The following ACACB variants were observed in gnomAD, a reference collection of about 807,000 sequenced individuals.
The protein encoded by ACACB is acetyl-CoA carboxylase 2.
In ACACB, 209 loss-of-function variants were observed where a neutral mutation model predicts 278.8. The observed-to-expected ratio is 0.75, with a 90% confidence interval of 0.67 to 0.84. ACACB has a LOEUF of 0.84. ACACB is among the 40% of genes least tolerant of loss of function. The pLI is 0.00. For synonymous variants in ACACB, 1,174 were observed against 1,285.6 expected (o/e 0.91, Z 1.86); for missense variants, 2,850 against 3,269.0 (o/e 0.87, Z 3.13).
In ACACB at chr12:109,139,959, G is replaced by T. The variant is rs147024369; in HGVS notation, c.554G>T (p.Arg185Leu). Residue 185 changes from arginine to leucine, a missense_variant, in exon 2 of 53, where the codon CGT (arginine) becomes CTT (leucine). By Grantham distance (102) the Arg-to-Leu change is moderately radical (BLOSUM62 -2). This residue lies in a region of ACACB where 2,265 missense variants were observed against 2,561.3 expected (regional missense o/e 0.88). Transcript: ENST00000338432. ...SDEDSVAGSS[R>L]ESTRKGSRAS... ...GAGGACTCTGTTGCTGGCTCATCTC[G>T]TGAGTCTACCCGGAAGGGCAGCCGG... The T allele has an allele frequency of 6.2e-7, 1 of 1,614,002 alleles. No individual in the cohort carries two copies. Among genetic ancestry groups the T allele is most frequent in the Admixed American group, 1.7e-5 (1 of 60,020 alleles).
chr12:109,119,767 C>T (rs766023720), intron 1 of ACACB, among the ~76,000 whole-genome samples: 4 of 151,650 alleles, frequency 2.6e-5, no homozygotes, highest in African/African-American at 4.8e-5. Context: ...TATGGTGGTG[C>T]GCCTGTAATC....
chr12:109,247,359 C>G (rs1001488509), intron 39 of ACACB, among the ~76,000 whole-genome samples: 1 of 151,804 alleles, frequency 6.6e-6, no homozygotes. Flanking sequence ...ATTAAAATTT[C>G]ATGTTGGGGT....
chr12:109,192,905 A>G (rs1565906202), intron 15 of ACACB, among the ~76,000 whole-genome samples: 3 of 152,112 alleles, frequency 2.0e-5, no homozygotes, highest in South Asian at 2.1e-4. Context: ...GCCTCAAGCA[A>G]TCCTCCTGCC....
chr12:109,118,571 G>A (rs1206092832), intron 1 of ACACB, among the ~76,000 whole-genome samples: 1 of 151,912 alleles, frequency 6.6e-6, no homozygotes, highest in African/African-American at 2.4e-5. Flanking sequence ...GCACTACCAC[G>A]CCCAGCTAAT....
At chr12:109,221,614 A>C (rs779622525) in intron 24 of ACACB, among the ~76,000 whole-genome samples, 3 of 152,136 alleles carry the variant, frequency 2.0e-5, no homozygotes, top group Non-Finnish European at 4.4e-5. Context: ...TGAGCGCCTT[A>C]AGTCAGGCAG....
chr12:109,222,438 T>C (rs2136513961), intron 24 of ACACB, 69 bp from the exon 25 acceptor site: 1 of 1,440,448 alleles, frequency 6.9e-7, no homozygotes, highest in Non-Finnish European at 9.7e-7. Context: ...GCTCCCCAAG[T>C]CGAGATGAGT....
intron 19 of ACACB, among the ~76,000 whole-genome samples, chr12:109,202,952 C>T (rs1268137943): frequency 6.6e-6 from 1 of 152,194 alleles, no homozygotes; most frequent in Non-Finnish European, 1.5e-5. Flanking sequence ...ACAGCCATCA[C>T]CATCATCCAT....
intron 44 of ACACB, among the ~76,000 whole-genome samples, chr12:109,255,793 A>G: frequency 6.6e-6 from 1 of 152,202 alleles, no homozygotes; most frequent in East Asian, 1.9e-4. Flanking sequence ...CCTTCCTAAA[A>G]TCCCACCTTC....
chr12:109,202,170 C>T (rs1198301747), intron 19 of ACACB, among the ~76,000 whole-genome samples: 1 of 152,024 alleles, frequency 6.6e-6, no homozygotes, highest in Non-Finnish European at 1.5e-5. Flanking sequence ...CATTGACCAC[C>T]TTTTCTTTTT....
chr12:109,209,294 G>A lies in ACACB; in HGVS notation c.3190G>A (p.Val1064Met). 1 of 1,612,736 alleles carries A rather than the reference G, an allele frequency of 6.2e-7. No homozygotes were observed. Among genetic ancestry groups the A allele is most frequent in the Non-Finnish European group, 8.5e-7 (1 of 1,179,984 alleles). ...CCCTGTGGAGAAGTCTGTCCGCAGG[G>A]TGATGGCCCAGTATGCCAGCAACAT... ...PAPVEKSVRR[V>M]MAQYASNITS... Residue 1064 changes from valine to methionine, a missense_variant, in exon 21 of 53, where the codon GTG becomes ATG. Val to Met is a conservative substitution (Grantham distance 21, BLOSUM62 1). Coordinates refer to ENST00000338432, the MANE Select transcript of ACACB (RefSeq NM_001093.4).
intron 24 of ACACB, among the ~76,000 whole-genome samples, chr12:109,218,358 C>T (rs1379656215): frequency 1.3e-5 from 2 of 148,776 alleles, no homozygotes; most frequent in Admixed American, 6.7e-5. Context: ...CACACCACCA[C>T]GCCCAGCTAG....
In ACACB at chr12:109,140,000, C is replaced by T. The variant is rs765505886; in HGVS notation, c.595C>T (p.Leu199=). 2 of 1,612,050 alleles carry T rather than the reference C, an allele frequency of 1.2e-6. No homozygotes were observed. The highest frequency in any genetic ancestry group is 1.1e-5 in the South Asian group (1 of 91,062). ...GGGCAGCCGGGCCAGCTTGGGGGCCCTGTCCCTGGAGGCTTATCTGACCAC... is the reference window on the plus strand; with the variant it reads ...GGGCAGCCGGGCCAGCTTGGGGGCCTTGTCCCTGGAGGCTTATCTGACCAC... ...RKGSRASLGA[L]SLEAYLTTGE... is the part of the protein sequence containing the mutation. The change falls in exon 2 of 53, where the codon CTG becomes TTG. Residue 199 remains leucine, a synonymous_variant. Coordinates refer to ENST00000338432, the MANE Select transcript of ACACB (RefSeq NM_001093.4).
chr12:109,167,775 G>A, intron 3 of ACACB, 121 bp from the exon 4 acceptor site: 1 of 1,446,098 alleles, frequency 6.9e-7, no homozygotes, highest in Non-Finnish European at 9.5e-7. Context: ...AATACCAAGA[G>A]GAATGATGTG....
In ACACB at chr12:109,201,824, G is replaced by A. The variant is rs1593542617; in HGVS notation, c.2913+123G>A. The A allele has an allele frequency of 2.3e-6, 3 of 1,320,194 alleles. No individual in the cohort carries two copies. In the East Asian group the frequency reaches 7.4e-5, roughly 33 times the overall value. 81.8% of individuals were successfully genotyped at this position (1,320,194 alleles called of 1,614,324 possible). A position where few individuals can be genotyped will look rare whatever the true frequency, so the allele number is the denominator to read the frequency against. On this transcript the variant is annotated intron_variant, in intron 19 of 52. Coordinates refer to ENST00000338432, the MANE Select transcript of ACACB (RefSeq NM_001093.4). ...TCTCCTGCCTCCACCTGCAGACAGA[G>A]CTCGTCGCAGCAGCCACCGTGATGG...
At position 109,264,225 on chromosome 12, in the gene ACACB, C is replaced by T; in HGVS notation, c.6788-7C>T. On this transcript the variant is annotated splice_region_variant and splice_polypyrimidine_tract_variant and intron_variant, in intron 49 of 52. Coordinates refer to ENST00000338432, the MANE Select transcript of ACACB (RefSeq NM_001093.4). ...ATGGCTTGACTGGCCTTTCTGCTCA[C>T]CTGCAGGGGAACCTGATCTCTCCGA... The T allele has an allele frequency of 6.2e-7, 1 of 1,613,910 alleles. No individual in the cohort carries two copies. Among genetic ancestry groups the T allele is most frequent in the Non-Finnish European group, 8.5e-7 (1 of 1,179,820 alleles).
chr12:109,245,055 C>G (rs2046902352), intron 37 of ACACB, among the ~76,000 whole-genome samples: 4 of 151,868 alleles, frequency 2.6e-5, no homozygotes, highest in South Asian at 4.2e-4. Context: ...CAAAATTAGC[C>G]AGGTGTGGTG....
chr12:109,266,071 C>T (rs1021571350), intron 52 of ACACB, among the ~76,000 whole-genome samples, 165 bp from the exon 53 acceptor site: 2 of 152,232 alleles, frequency 1.3e-5, no homozygotes, highest in Non-Finnish European at 2.9e-5. Context: ...AACTTCAGGT[C>T]ACAGCCCCTC....
chr12:109,166,130 A>G (rs1006279335), intron 2 of ACACB, among the ~76,000 whole-genome samples: 2 of 152,092 alleles, frequency 1.3e-5, no homozygotes, highest in African/African-American at 4.8e-5. Context: ...AGAAAACTTA[A>G]AAACTTCTGA....
rs749234124 is a variant in ACACB, at chr12:109,254,309, G to T, written c.6141G>T (p.Trp2047Cys). 5 of 1,611,844 alleles carry T rather than the reference G, an allele frequency of 3.1e-6. No homozygotes were observed. Reference protein sequence around the residue: ...LPSRAPYDPRWMLAGRPHPTL... With the variant: ...LPSRAPYDPRCMLAGRPHPTL... Reference sequence around the variant, plus strand: ...CCAGAGCTCCCTACGACCCCCGGTGGATGCTTGCAGGAAGGCCTCACCCAA... The same window carrying T: ...CCAGAGCTCCCTACGACCCCCGGTGTATGCTTGCAGGAAGGCCTCACCCAA... The change falls in exon 44 of 53, where the codon TGG becomes TGT. Residue 2047 changes from tryptophan to cysteine, a missense_variant. Physicochemically the swap from Trp to Cys is radical, Grantham distance 215. Around this residue, in one of 3 missense-constraint regions of ACACB, gnomAD observed 579 missense variants for 684.6 expected, o/e 0.85. Transcript: ENST00000338432.
Sources: allele counts gnomAD v4.1 joint callset (sites outside exome capture counted in the v4.1 genomes callset), GRCh38; gene constraint gnomAD v4.1.1; regional missense constraint gnomAD v4.1.1; transcripts MANE v1.5; gene names NCBI Gene and HGNC (gene_info 2026-07-23, HGNC 2026-07-21).